The following GLYATL1 variants were observed in gnomAD, a reference collection of about 807,000 sequenced individuals.
The protein encoded by GLYATL1 is glycine N-acyltransferase-like protein 1.
Under a neutral mutation model 20.0 loss-of-function variants are expected in GLYATL1, and 15 were observed. The ratio of observed to expected loss-of-function variants is 0.75; its 90% CI spans 0.50 to 1.15. The LOEUF is 1.15. GLYATL1 is among the 50% of genes most tolerant of loss of function. The probability of loss-of-function intolerance (pLI) is 0.00; values close to 1 mark genes in which losing one functional copy is unlikely to be tolerated. For synonymous variants in GLYATL1, 151 were observed against 131.5 expected, an observed-to-expected ratio of 1.15 and a Z score of -1.01; for missense variants, 380 against 368.5, an observed-to-expected ratio of 1.03 and a Z score of -0.26.
chr11:58,945,195 C>T lies in GLYATL1; in HGVS notation c.-43+1529C>T, dbSNP rs1856479681. On this transcript the variant is annotated intron_variant, in intron 2 of 6. Coordinates refer to ENST00000532726, the MANE Select transcript of GLYATL1 (RefSeq NM_001389712.2). ...GTATACAATACCGCTGCATTGTACG[C>T]TTAAAAATGGTTAAACGGTTAGTTT... 2.0e-5 allele frequency among the ~76,000 whole-genome samples: 3 copies of T among 151,962 alleles called. No individual in the cohort carries two copies. In the South Asian group the frequency reaches 6.2e-4, roughly 32 times the overall value.
chr11:58,953,054 TA>T (rs1297225063), intron 4 of GLYATL1, among the ~76,000 whole-genome samples: 1 of 151,970 alleles, frequency 6.6e-6, no homozygotes, highest in Non-Finnish European at 1.5e-5. Context: ...GTAGACTGGA[TA>T]AAAAAAACTT....
At chr11:58,913,606 T>G (rs1855102081) in intron 1 of GLYATL1, among the ~76,000 whole-genome samples, 1 of 152,192 alleles carries the variant, frequency 6.6e-6, no homozygotes, top group African/African-American at 2.4e-5. Context: ...GTGATATTCA[T>G]GTTCTCTTGG....
At chr11:58,945,011 A>T (rs1401551283) in intron 2 of GLYATL1, among the ~76,000 whole-genome samples, 1 of 132,142 alleles carries the variant, frequency 7.6e-6, no homozygotes. Context: ...AAGTTATTTT[A>T]TATACATATA....
At chr11:58,949,874 A>C (rs1488441496) in intron 4 of GLYATL1, among the ~76,000 whole-genome samples, 5 of 151,976 alleles carry the variant, frequency 3.3e-5, no homozygotes, top group African/African-American at 1.2e-4. Flanking sequence ...GTTGATTTTT[A>C]ATCACAAAGA....
At chr11:58,930,287 G>A (rs544870657) in intron 1 of GLYATL1, among the ~76,000 whole-genome samples, 107 of 152,258 alleles carry the variant, frequency 7.0e-4, no homozygotes, top group African/African-American at 2.5e-3. Flanking sequence ...ATAATGAATC[G>A]TTATAAGTAT....
Position 58,954,891 on chromosome 11 carries a change from T to C in GLYATL1, c.308T>C (p.Ile103Thr), listed in dbSNP as rs1435953207. 1.2e-6 allele frequency: 2 copies of C among 1,607,146 alleles called. No individual in the cohort carries two copies. Among genetic ancestry groups the C allele is most frequent in the Non-Finnish European group, 1.7e-6 (2 of 1,178,218 alleles). The change falls in exon 5 of 7, where the codon ATC becomes ACC. Residue 103 changes from isoleucine (I) to threonine (T), a missense_variant. Transcript: ENST00000532726. Reference sequence around the variant, plus strand: ...GTAAACTGGAAACAGAGACTCCAAATCCAAGGTAACGAGTCTGAAGAAATG... The same window carrying C: ...GTAAACTGGAAACAGAGACTCCAAACCCAAGGTAACGAGTCTGAAGAAATG... ...EIVNWKQRLQIQGLQESLGEG... is the reference protein window; with the variant it reads ...EIVNWKQRLQTQGLQESLGEG...
At chr11:58,932,110 CAAA>C (rs5792141) in intron 1 of GLYATL1, among the ~76,000 whole-genome samples, 1 of 61,494 alleles carries the variant, frequency 1.6e-5, no homozygotes, top group Non-Finnish European at 2.7e-5. Flanking sequence ...GACCCCTTCT[CAAA>C]AAAAAAAAAA....
chr11:58,907,377 C>T (rs1442092098), exon 2 of GLYATL1: 2 of 456,286 alleles, frequency 4.4e-6, no homozygotes, highest in Non-Finnish European at 8.8e-6. Context: ...TCACGGTAGT[C>T]TGCTGGAGTG....
intron 4 of GLYATL1, among the ~76,000 whole-genome samples, chr11:58,950,253 T>G (rs1426692641): frequency 6.6e-6 from 1 of 150,852 alleles, no homozygotes; most frequent in Non-Finnish European, 1.5e-5. Flanking sequence ...ATCCCGCCGC[T>G]GCACTCCAGC....
chr11:58,941,419 C>T (rs563885389), intron 1 of GLYATL1, among the ~76,000 whole-genome samples: 24 of 152,224 alleles, frequency 1.6e-4, no homozygotes, highest in Non-Finnish European at 2.8e-4. Context: ...ATATGTGCCA[C>T]ATTTTCTTAA....
In GLYATL1 at chr11:58,939,559, G is replaced by A. The variant is rs1190703960; in HGVS notation, c.-258G>A. The stretch of plus-strand genomic sequence containing the variant: ...TACCCAATTTTGGCTGGAGAGATAA[G>A]TACCCTCTGGGGCCACCACAGCTGG... On this transcript the variant is annotated 5_prime_UTR_variant, in exon 1 of 7. Coordinates refer to ENST00000532726, the MANE Select transcript of GLYATL1 (RefSeq NM_001389712.2). The A allele has an allele frequency of 6.6e-6, 1 of 152,178 alleles. No individual in the cohort carries two copies. The highest frequency in any genetic ancestry group is 1.5e-5 in the Non-Finnish European group (1 of 68,052). The allele number at this position is 152,178 out of a possible 1,614,324, so 9.4% of individuals were successfully genotyped here.
chr11:58,921,368 G>C (rs534361698), intron 1 of GLYATL1, among the ~76,000 whole-genome samples: 1 of 152,278 alleles, frequency 6.6e-6, no homozygotes, highest in African/African-American at 2.4e-5. Context: ...CCTTCAACTA[G>C]TAATATGACC....
upstream of GLYATL1, among the ~76,000 whole-genome samples, chr11:58,938,931 T>G (rs1038482176): frequency 6.6e-6 from 1 of 152,130 alleles, no homozygotes; most frequent in Non-Finnish European, 1.5e-5. Flanking sequence ...AGGAAGCTAT[T>G]CTCCTGGCCA....
At chr11:58,947,649 A>G in intron 3 of GLYATL1, 1 of 567,234 alleles carries the variant, frequency 1.8e-6, no homozygotes, top group Non-Finnish European at 3.2e-6. Context: ...TTGGTATCAC[A>G]AGGACAGTCC....
intron 1 of GLYATL1, among the ~76,000 whole-genome samples, chr11:58,940,779 G>T (rs908059409): frequency 9.9e-5 from 15 of 152,098 alleles, no homozygotes; most frequent in South Asian, 2.1e-4. Flanking sequence ...GGGAAACAGA[G>T]ACCCCCTCCC....
exon 2 of GLYATL1, chr11:58,907,465 T>G (rs1211505771): frequency 6.5e-6 from 2 of 309,692 alleles, no homozygotes; most frequent in East Asian, 2.2e-4. Flanking sequence ...ATTTCATGTA[T>G]TTCGCTCTTT....
intron 1 of GLYATL1, among the ~76,000 whole-genome samples, chr11:58,929,505 T>C (rs1221450034): frequency 6.6e-6 from 1 of 152,214 alleles, no homozygotes; most frequent in African/African-American, 2.4e-5. Context: ...TTTTCTTTTT[T>C]TGTAATGTTT....
rs961130379 is a variant in GLYATL1, at chr11:58,947,953, G to A, written c.174G>A (p.Arg58=). ...SWPEYQMVII[R]PQKQEMTDDM... is the part of the protein sequence containing the mutation. The stretch of plus-strand genomic sequence containing the variant: ...CTGAATATCAGATGGTTATTATCCG[G>A]CCTCAAAAGCAGGTAGGCACACAGA... Residue 58 remains arginine (R), a synonymous_variant, in exon 4 of 7, where the codon CGG becomes CGA. Coordinates refer to ENST00000532726, the MANE Select transcript of GLYATL1 (RefSeq NM_001389712.2). 3.7e-6 allele frequency: 6 copies of A among 1,612,862 alleles called. No individual in the cohort carries two copies. In the South Asian group the frequency reaches 6.6e-5, roughly 18 times the overall value.
upstream of GLYATL1, among the ~76,000 whole-genome samples, chr11:58,926,800 A>G (rs940526292): frequency 1.3e-5 from 2 of 152,230 alleles, no homozygotes; most frequent in African/African-American, 4.8e-5. Context: ...GACTTAAATT[A>G]TATATTTTAA....
Sources: gnomAD v4.1 joint callset for allele counts (sites outside exome capture counted in the v4.1 genomes callset) on GRCh38, gnomAD v4.1.1 for gene constraint, MANE v1.5 for transcripts, NCBI Gene and HGNC (gene_info 2026-07-23, HGNC 2026-07-21) for gene names.